SGO2: variants seen among roughly 807,000 people sequenced by gnomAD.
SGO2 encodes shugoshin 2.
SGO2 carries 68 observed loss-of-function variants against 99.5 expected under a neutral mutation model. That is an observed-to-expected ratio of 0.68 (90% CI 0.56 to 0.84). SGO2 has a LOEUF of 0.84. SGO2 is among the 40% of genes least tolerant of loss of function. The probability of loss-of-function intolerance (pLI) is 0.00; values close to 1 mark genes in which losing one functional copy is unlikely to be tolerated. For missense variants in SGO2, 1,350 were observed against 1,436.7 expected (o/e 0.94, Z 0.97); for synonymous variants, 457 against 487.1 (o/e 0.94, Z 0.81).
intron 5 of SGO2, among the ~76,000 whole-genome samples, chr2:200,553,804 A>C (rs2106326098): frequency 6.6e-6 from 1 of 152,240 alleles, no homozygotes; most frequent in Non-Finnish European, 1.5e-5. Flanking sequence ...CGATACCTAT[A>C]ACTTGAGTAA....
Position 200,574,423 on chromosome 2 carries a change from G to T in SGO2, c.3631+446G>T, listed in dbSNP as rs372384132. Among the ~76,000 whole-genome samples, 304 of 152,018 alleles carry T rather than the reference G, an allele frequency of 2.0e-3. 1 individual carries two copies. The highest frequency in any genetic ancestry group is 6.9e-3 in the African/African-American group (286 of 41,502). On this transcript the variant is annotated intron_variant, in intron 7 of 8. Transcript: ENST00000357799. ...TCAAACCCTTCTAGATATTATAGAG[G>T]ACTGAAAAATAAACAATACCAACCC...
Position 200,571,462 on chromosome 2 carries a change from C to G in SGO2, c.1116C>G (p.Val372=). 2 of 1,609,672 alleles carry G rather than the reference C, an allele frequency of 1.2e-6. No homozygotes were observed. Among genetic ancestry groups the G allele is most frequent in the Non-Finnish European group, 1.7e-6 (2 of 1,178,784 alleles). Residue 372 remains valine (V), a synonymous_variant, in exon 7 of 9, where the codon GTC becomes GTG. Transcript: ENST00000357799. ...ACATGGATTTAACTGCTAGTGAAGT[C>G]AGCAAAATTGTCACAGTCTCAACAG... ...DADMDLTASE[V]SKIVTVSTGI... is the part of the protein sequence containing the mutation.
chr2:200,539,435 A>G (rs62279324), intron 4 of SGO2, among the ~76,000 whole-genome samples: 7,598 of 151,468 alleles, frequency 0.05, 310 homozygotes, highest in Admixed American at 0.07. Flanking sequence ...TGATTTTTCT[A>G]TTTTATTTTA....
At chr2:200,578,801 G>A (rs763427908) in intron 8 of SGO2, among the ~76,000 whole-genome samples, 4 of 152,242 alleles carry the variant, frequency 2.6e-5, no homozygotes, top group African/African-American at 9.6e-5. Flanking sequence ...TTAATGTCTG[G>A]TAGGGCTAGT....
chr2:200,555,597 A>G (rs1034708091), intron 5 of SGO2, among the ~76,000 whole-genome samples: 1 of 152,176 alleles, frequency 6.6e-6, no homozygotes, highest in Non-Finnish European at 1.5e-5. Flanking sequence ...TCTCAGTGGT[A>G]GTGGGAGGTA....
intron 5 of SGO2, among the ~76,000 whole-genome samples, chr2:200,568,907 G>A (rs1253868168): frequency 2.2e-5 from 3 of 137,468 alleles, no homozygotes; most frequent in Non-Finnish European, 3.2e-5. Flanking sequence ...GAACCTCTCC[G>A]TTTATTTTTG....
At chr2:200,552,997 G>A (rs868071172) in intron 5 of SGO2, among the ~76,000 whole-genome samples, 19 of 152,088 alleles carry the variant, frequency 1.2e-4, no homozygotes, top group Non-Finnish European at 1.2e-4. Context: ...GGGTTGTAGA[G>A]GGACGAAAAT....
In SGO2 at chr2:200,572,497, T is replaced by G; in HGVS notation, c.2151T>G (p.Asn717Lys). 6.2e-7 allele frequency: 1 copy of G among 1,612,630 alleles called. No homozygotes were observed. The highest frequency in any genetic ancestry group is 8.5e-7 in the Non-Finnish European group (1 of 1,179,182). Residue 717 changes from asparagine (N) to lysine (K), a missense_variant, in exon 7 of 9, where the codon AAT becomes AAG. Physicochemically the swap from Asn to Lys is moderately conservative, Grantham distance 94. Coordinates refer to ENST00000357799, the MANE Select transcript of SGO2 (RefSeq NM_152524.6). Reference sequence around the variant, plus strand: ...ATAAGAAGCTTAGGCAGAAAGTAAATCGGAAGACAGAAATAATTTCTGAAG... The same window carrying G: ...ATAAGAAGCTTAGGCAGAAAGTAAAGCGGAAGACAGAAATAATTTCTGAAG... ...KVNKKLRQKV[N>K]RKTEIISEVN...
intron 7 of SGO2, among the ~76,000 whole-genome samples, chr2:200,574,448 C>T (rs2033578114): frequency 6.6e-6 from 1 of 151,964 alleles, no homozygotes; most frequent in South Asian, 2.1e-4. Context: ...AATACCAACC[C>T]CCTTTCCTCA....
chr2:200,576,635 C>T (rs2033675766), intron 8 of SGO2, among the ~76,000 whole-genome samples: 1 of 152,118 alleles, frequency 6.6e-6, no homozygotes, highest in Non-Finnish European at 1.5e-5. Context: ...TATGTGCAAC[C>T]ATTACCAGAG....
intron 6 of SGO2, 73 bp downstream of exon 6, chr2:200,569,965 A>G (rs765034557): frequency 7.1e-6 from 7 of 981,610 alleles, no homozygotes; most frequent in Non-Finnish European, 9.5e-6. Flanking sequence ...CCTGAGGGCA[A>G]TTATGTATAA....
intron 5 of SGO2, among the ~76,000 whole-genome samples, chr2:200,549,149 G>A (rs189825369): frequency 2.6e-5 from 4 of 152,198 alleles, no homozygotes; most frequent in Non-Finnish European, 5.9e-5. Flanking sequence ...AATCCTGTCA[G>A]GCTAATCCTG....
intron 5 of SGO2, among the ~76,000 whole-genome samples, chr2:200,557,858 T>C (rs542650074): frequency 1.4e-5 from 2 of 147,722 alleles, no homozygotes; most frequent in African/African-American, 5.0e-5. Context: ...CCTTGTTGCA[T>C]TGGCTACTTT....
chr2:200,552,143 C>G (rs1462583152), intron 5 of SGO2, among the ~76,000 whole-genome samples: 2 of 152,072 alleles, frequency 1.3e-5, no homozygotes, highest in South Asian at 2.1e-4. Flanking sequence ...TATATATTCT[C>G]TCCATGTTTT....
chr2:200,572,835 A>G lies in SGO2; in HGVS notation c.2489A>G (p.Asn830Ser). 3.1e-6 allele frequency: 5 copies of G among 1,608,810 alleles called. No individual in the cohort carries two copies. The highest frequency in any genetic ancestry group is 4.2e-6 in the Non-Finnish European group (5 of 1,178,402). Residue 830 changes from asparagine (N) to serine (S), a missense_variant, in exon 7 of 9, where the codon AAC becomes AGC. Transcript: ENST00000357799. ...PETNQIYEND[N>S]KGVHDLEKDN... The stretch of plus-strand genomic sequence containing the variant: ...ACCAACCAAATATATGAGAATGATA[A>G]CAAAGGTGTACATGACCTAGAAAAA...
At chr2:200,569,005 C>T (rs1459754090) in intron 5 of SGO2, among the ~76,000 whole-genome samples, 1 of 151,846 alleles carries the variant, frequency 6.6e-6, no homozygotes, top group East Asian at 1.9e-4. Context: ...AAATATTTAT[C>T]AGAAATATTT....
At chr2:200,561,930 A>C (rs1227009327) in intron 5 of SGO2, among the ~76,000 whole-genome samples, 1 of 152,028 alleles carries the variant, frequency 6.6e-6, no homozygotes, top group Non-Finnish European at 1.5e-5. Context: ...AAATTTGTTT[A>C]AGTTCTTTGT....
intron 2 of SGO2, 106 bp downstream of exon 2, chr2:200,533,214 C>A: frequency 1.6e-6 from 2 of 1,256,870 alleles, no homozygotes; most frequent in Non-Finnish European, 2.2e-6. Flanking sequence ...CTAAAATGAC[C>A]ATTTTGTTAA....
chr2:200,575,911 G>A (rs1191261224), intron 8 of SGO2, among the ~76,000 whole-genome samples: 1 of 152,118 alleles, frequency 6.6e-6, no homozygotes, highest in African/African-American at 2.4e-5. Flanking sequence ...AAAGAGAATA[G>A]TGCCCTCCTC....
Sources: gnomAD v4.1 joint callset for allele counts (sites outside exome capture counted in the v4.1 genomes callset) on GRCh38, gnomAD v4.1.1 for gene constraint, MANE v1.5 for transcripts, NCBI Gene and HGNC (gene_info 2026-07-23, HGNC 2026-07-21) for gene names.